CPED1: variants seen among roughly 807,000 people sequenced by gnomAD.
The protein encoded by CPED1 is cadherin like and PC-esterase domain containing 1.
A neutral mutation model predicts 128.2 loss-of-function variants in CPED1; 114 were observed. The ratio of observed to expected loss-of-function variants is 0.89; its 90% CI spans 0.76 to 1.04. The LOEUF is 1.04. CPED1 is among the 50% of genes least tolerant of loss of function. The pLI is 0.00. For synonymous variants in CPED1, 462 were observed against 426.7 expected (o/e 1.08, Z -1.02); for missense variants, 1,211 against 1,207.1 (o/e 1.00, Z -0.05).
intron 7 of CPED1, among the ~76,000 whole-genome samples, chr7:121,118,172 T>C (rs1246892564): frequency 6.6e-6 from 1 of 152,214 alleles, no homozygotes; most frequent in Non-Finnish European, 1.5e-5. Context: ...GAACAAATTT[T>C]CTTCGTTCTT....
At chr7:121,028,887 G>C (rs1157256582) in intron 3 of CPED1, among the ~76,000 whole-genome samples, 3 of 152,118 alleles carry the variant, frequency 2.0e-5, no homozygotes, top group African/African-American at 7.2e-5. Context: ...ATTAATGTTG[G>C]ATGTTTCTTT....
At chr7:121,075,382 G>T (rs1794098377) in intron 5 of CPED1, among the ~76,000 whole-genome samples, 1 of 152,120 alleles carries the variant, frequency 6.6e-6, no homozygotes, top group South Asian at 2.1e-4. Context: ...ATTTTATGCT[G>T]TTATGATTTA....
intron 5 of CPED1, among the ~76,000 whole-genome samples, chr7:121,072,576 T>C (rs553940077): frequency 6.6e-6 from 1 of 152,128 alleles, no homozygotes; most frequent in African/African-American, 2.4e-5. Flanking sequence ...GCCAGCAGAA[T>C]GTGCTGATGG....
intron 3 of CPED1, among the ~76,000 whole-genome samples, chr7:121,042,942 C>A (rs1793095876): frequency 6.6e-6 from 1 of 152,144 alleles, no homozygotes; most frequent in Admixed American, 6.5e-5. Context: ...AAGAAGTCAC[C>A]ACCCAAATTG....
At position 121,130,237 on chromosome 7, in the gene CPED1, A is replaced by G; in HGVS notation, c.1520A>G (p.Asn507Ser). Residue 507 changes from asparagine to serine, a missense_variant, in exon 12 of 23, where the codon AAT (asparagine) becomes AGT (serine). Transcript: ENST00000310396. ...CTGACCCAATACTGGTCTCTTTTAA[A>G]TGTATTTGAACAATTTCAGTTCATG... ...SVLTQYWSLL[N>S]VFEQFQFMNK... 1 of 1,611,670 alleles carries G rather than the reference A, an allele frequency of 6.2e-7. No individual in the cohort carries two copies. The highest frequency in any genetic ancestry group is 1.1e-5 in the South Asian group (1 of 90,702).
At chr7:121,283,935 T>C (rs899903595) in intron 22 of CPED1, among the ~76,000 whole-genome samples, 1 of 152,218 alleles carries the variant, frequency 6.6e-6, no homozygotes, top group African/African-American at 2.4e-5. Context: ...TGAAACACTT[T>C]TTTCAGCAGT....
At position 121,266,340 on chromosome 7, in the gene CPED1, C is replaced by G. The variant is rs549423133; in HGVS notation, c.2424C>G (p.Asn808Lys). The part of the protein sequence containing the change: ...QKVHGTKFYH[N>K]VNGGKTLISY... ...TACATGGCACTAAATTCTATCACAA[C>G]GTCAATGGTGGGAAGACTTTGATCA... Residue 808 changes from asparagine to lysine, a missense_variant, in exon 19 of 23, where the codon AAC (asparagine) becomes AAG (lysine). Asn to Lys is a moderately conservative substitution (Grantham distance 94). Transcript: ENST00000310396. The G allele has an allele frequency of 6.2e-7, 1 of 1,613,120 alleles. No homozygotes were observed. Among genetic ancestry groups the G allele is most frequent in the African/African-American group, 1.3e-5 (1 of 74,954 alleles).
intron 16 of CPED1, among the ~76,000 whole-genome samples, chr7:121,215,885 G>C (rs1797747698): frequency 6.6e-6 from 1 of 151,922 alleles, no homozygotes; most frequent in Non-Finnish European, 1.5e-5. Flanking sequence ...TAAGTGGGAA[G>C]TTCACTTCAA....
intron 5 of CPED1, among the ~76,000 whole-genome samples, chr7:121,067,151 A>C (rs1793849845): frequency 6.6e-6 from 1 of 152,010 alleles, no homozygotes; most frequent in Admixed American, 6.6e-5. Flanking sequence ...TTTAGGGTAC[A>C]TGTGCACAAC....
intron 16 of CPED1, among the ~76,000 whole-genome samples, chr7:121,197,178 T>A (rs545416579): frequency 6.6e-6 from 1 of 151,538 alleles, no homozygotes; most frequent in Non-Finnish European, 1.5e-5. Context: ...TAAGAGAGCA[T>A]TCTTAAAGCA....
chr7:121,287,722 C>T (rs765303293), intron 22 of CPED1, among the ~76,000 whole-genome samples: 5 of 152,184 alleles, frequency 3.3e-5, no homozygotes, highest in East Asian at 1.9e-4. Context: ...AATTCTTCTG[C>T]GATTACAATT....
intron 4 of CPED1, among the ~76,000 whole-genome samples, chr7:121,061,890 T>C (rs975268909): frequency 2.0e-5 from 3 of 152,226 alleles, no homozygotes; most frequent in African/African-American, 7.2e-5. Context: ...ATGTTTTTAC[T>C]TCTTTGTGCT....
At chr7:121,195,050 G>A (rs901662376) in intron 16 of CPED1, 1 of 152,162 alleles carries the variant, frequency 6.6e-6, no homozygotes, top group African/African-American at 2.4e-5. Flanking sequence ...TGTTGGTGAA[G>A]TGAGCACCAT....
intron 16 of CPED1, among the ~76,000 whole-genome samples, chr7:121,201,540 AAAGG>A (rs201131783): frequency 3.3e-5 from 5 of 150,860 alleles, no homozygotes; most frequent in Non-Finnish European, 5.9e-5. Context: ...AGGAAGGAAG[AAAGG>A]AAGGAAGGAA....
In CPED1 at chr7:121,295,591, T is replaced by C. The variant is rs1429700113; in HGVS notation, c.3020T>C (p.Ile1007Thr). 1 of 1,614,090 alleles carries C rather than the reference T, an allele frequency of 6.2e-7. No individual in the cohort carries two copies. The highest frequency in any genetic ancestry group is 8.5e-7 in the Non-Finnish European group (1 of 1,179,964). The change falls in exon 23 of 23, where the codon ATA becomes ACA. Residue 1007 changes from isoleucine (I) to threonine (T), a missense_variant. Ile to Thr is a moderately conservative substitution (Grantham distance 89). Transcript: ENST00000310396. ...FRSPYHVRGP[I>T]NQVCSEILLS... Reference sequence around the variant, plus strand: ...TCGCCATATCATGTCAGAGGTCCAATAAATCAGGTTTGTTCTGAAATCCTT... The same window carrying C: ...TCGCCATATCATGTCAGAGGTCCAACAAATCAGGTTTGTTCTGAAATCCTT...
intron 3 of CPED1, among the ~76,000 whole-genome samples, chr7:121,032,284 C>A (rs939976946): frequency 2.6e-5 from 4 of 151,818 alleles, no homozygotes; most frequent in African/African-American, 9.7e-5. Flanking sequence ...TAGTAGTAAA[C>A]AATTAGAGAT....
intron 3 of CPED1, among the ~76,000 whole-genome samples, chr7:121,020,267 C>G (rs1188287756): frequency 7.2e-5 from 11 of 151,916 alleles, no homozygotes; most frequent in Non-Finnish European, 1.5e-4. Context: ...AGTAAAAGAC[C>G]ATATAGATAT....
intron 22 of CPED1, among the ~76,000 whole-genome samples, chr7:121,290,398 G>T (rs1207013864): frequency 6.6e-6 from 1 of 152,192 alleles, no homozygotes; most frequent in African/African-American, 2.4e-5. Context: ...TTCCACAATG[G>T]TTGAAATAAT....
intron 18 of CPED1, among the ~76,000 whole-genome samples, chr7:121,247,355 CAAAATTTATTA>C (rs2116696461): frequency 6.6e-6 from 1 of 152,074 alleles, no homozygotes; most frequent in Admixed American, 6.5e-5. Context: ...ATCCTGTGTT[CAAAATTTATTA>C]AGAGTTTCAA....
Sources: allele counts gnomAD v4.1 joint callset (sites outside exome capture counted in the v4.1 genomes callset), GRCh38; gene constraint gnomAD v4.1.1; transcripts MANE v1.5; gene names NCBI Gene and HGNC (gene_info 2026-07-23, HGNC 2026-07-21).